ATXN10: variants seen among roughly 807,000 people sequenced by gnomAD.
The protein encoded by ATXN10 is ataxin 10.
A neutral mutation model predicts 52.9 loss-of-function variants in ATXN10; 28 were observed. That is an observed-to-expected ratio of 0.53 (90% CI 0.39 to 0.73). ATXN10 has a LOEUF of 0.73. Among genes scored for constraint, ATXN10 ranks in the 30% least tolerant of loss-of-function variants. ATXN10 has a pLI of 0.00. For synonymous variants in ATXN10, 226 were observed against 221.5 expected, an observed-to-expected ratio of 1.02 and a Z score of -0.18; for missense variants, 565 against 577.0, an observed-to-expected ratio of 0.98 and a Z score of 0.21.
chr22:45,764,843 G>A (rs552027666), intron 9 of ATXN10, among the ~76,000 whole-genome samples: 92 of 152,348 alleles, frequency 6.0e-4, no homozygotes, highest in Non-Finnish European at 1.2e-3. Flanking sequence ...TAGGATGTCA[G>A]TGCTGTCTGC....
At chr22:45,717,659 T>C (rs1924496572) in intron 5 of ATXN10, among the ~76,000 whole-genome samples, 1 of 152,202 alleles carries the variant, frequency 6.6e-6, no homozygotes, top group Non-Finnish European at 1.5e-5. Flanking sequence ...AGACTGAATA[T>C]AGTTTTATTG....
rs1928538452 is a variant in ATXN10, at chr22:45,818,473, A to G, written c.1237+11451A>G. Among the ~76,000 whole-genome samples, 2 of 152,028 alleles carry G rather than the reference A, an allele frequency of 1.3e-5. No homozygotes were observed. The highest frequency in any genetic ancestry group is 4.2e-4 in the South Asian group (2 of 4,806). On this transcript the variant is annotated intron_variant, in intron 10 of 11. Coordinates refer to ENST00000252934, the MANE Select transcript of ATXN10 (RefSeq NM_013236.4). The surrounding 1 kb of genome is among the most constrained non-coding windows in gnomAD (Gnocchi z 4.6). Reference sequence around the variant, plus strand: ...ACCTGTGTTAAAAGCAAGACTCTGCATGCTTATTCTCACATCAGTCAGAAG... The same window carrying G: ...ACCTGTGTTAAAAGCAAGACTCTGCGTGCTTATTCTCACATCAGTCAGAAG...
chr22:45,756,256 C>A (rs1305451576), intron 9 of ATXN10, among the ~76,000 whole-genome samples: 1 of 152,110 alleles, frequency 6.6e-6, no homozygotes, highest in Non-Finnish European at 1.5e-5. Flanking sequence ...GGGATCCTCC[C>A]ACCTCAATCT....
chr22:45,800,032 A>C (rs1927879123), intron 9 of ATXN10, among the ~76,000 whole-genome samples: 1 of 152,224 alleles, frequency 6.6e-6, no homozygotes, highest in African/African-American at 2.4e-5. Context: ...CTGGGAATAC[A>C]AAACTTGTAG....
intron 7 of ATXN10, among the ~76,000 whole-genome samples, chr22:45,731,139 T>G (rs1925074144): frequency 6.6e-6 from 1 of 152,232 alleles, no homozygotes; most frequent in African/African-American, 2.4e-5. Flanking sequence ...GTTAGAATTG[T>G]TCTTTCTCTG....
chr22:45,798,543 C>G (rs538802918), intron 9 of ATXN10, among the ~76,000 whole-genome samples: 1 of 152,050 alleles, frequency 6.6e-6, no homozygotes, highest in Non-Finnish European at 1.5e-5. Flanking sequence ...AAAAAGGCAT[C>G]TATGAAAAAA....
intron 5 of ATXN10, among the ~76,000 whole-genome samples, chr22:45,716,433 T>A (rs1265777338): frequency 2.0e-5 from 3 of 151,814 alleles, no homozygotes; most frequent in Non-Finnish European, 4.4e-5. Context: ...CCTCCTGTGT[T>A]CAAGTGATTC....
intron 5 of ATXN10, among the ~76,000 whole-genome samples, chr22:45,706,991 G>A (rs1035772373): frequency 6.6e-6 from 1 of 151,992 alleles, no homozygotes; most frequent in South Asian, 2.1e-4. Context: ...TTTTCCTTCA[G>A]TTCTGTCAGT....
At chr22:45,743,439 A>G (rs540490937) in intron 9 of ATXN10, among the ~76,000 whole-genome samples, 81 of 152,260 alleles carry the variant, frequency 5.3e-4, no homozygotes, top group African/African-American at 1.7e-3. Context: ...TTGTTGCCTC[A>G]AGGGATGGAA....
rs576810989 is a variant in ATXN10 at position 45,701,343 on chromosome 22, C to T, written c.488+965C>T. 3.0e-4 allele frequency among the ~76,000 whole-genome samples: 45 copies of T among 152,258 alleles called. No individual in the cohort carries two copies. The highest frequency in any genetic ancestry group is 2.4e-4 in the Non-Finnish European group (16 of 68,010). On this transcript the variant is annotated intron_variant, in intron 4 of 11. Coordinates refer to ENST00000252934, the MANE Select transcript of ATXN10 (RefSeq NM_013236.4). The surrounding 1 kb of genome is among the most constrained non-coding windows in gnomAD (Gnocchi z 4.2). ...CCATTGCTGCCATCTGGATCTAAAGCCTATCTATGCTCATTGTAAATACTG... is the reference window on the plus strand; with the variant it reads ...CCATTGCTGCCATCTGGATCTAAAGTCTATCTATGCTCATTGTAAATACTG...
intron 1 of ATXN10, among the ~76,000 whole-genome samples, chr22:45,686,599 C>T (rs1217936549): frequency 6.6e-6 from 1 of 152,096 alleles, no homozygotes; most frequent in East Asian, 1.9e-4. Flanking sequence ...GCGGGCAGAT[C>T]ACGAGGTCAG....
At chr22:45,724,999 G>C (rs191495027) in intron 6 of ATXN10, among the ~76,000 whole-genome samples, 166 of 152,098 alleles carry the variant, frequency 1.1e-3, no homozygotes, top group African/African-American at 3.6e-3. Context: ...TTTTTATTCT[G>C]TTGTATTGGT....
In ATXN10 at chr22:45,688,235, A is replaced by G. The variant is rs1332709137; in HGVS notation, c.117-1477A>G. ...CGAGACACTGAGTCAAAGTTTCATTATTTACACTCAGGGCTGACTGGGGGA... is the reference window on the plus strand; with the variant it reads ...CGAGACACTGAGTCAAAGTTTCATTGTTTACACTCAGGGCTGACTGGGGGA... On this transcript the variant is annotated intron_variant, in intron 1 of 11. Coordinates refer to ENST00000252934, the MANE Select transcript of ATXN10 (RefSeq NM_013236.4). This position sits in a 1 kb window ranked among gnomAD's most constrained non-coding sequence, Gnocchi z 4.0. Among the ~76,000 whole-genome samples, 1 of 152,174 alleles carries G rather than the reference A, an allele frequency of 6.6e-6. No individual in the cohort carries two copies. The highest frequency in any genetic ancestry group is 2.4e-5 in the African/African-American group (1 of 41,436).
At position 45,727,929 on chromosome 22, in the gene ATXN10, A is replaced by T. The variant is rs918593473; in HGVS notation, c.729-1496A>T. On this transcript the variant is annotated intron_variant, in intron 6 of 11. Transcript: ENST00000252934. The surrounding 1 kb of genome is among the most constrained non-coding windows in gnomAD (Gnocchi z 4.6). ...CTGCTTGCTTTCGGTTTCCATTTGCATGAAATATCTTTTTCCACCCCCTTT... is the reference window on the plus strand; with the variant it reads ...CTGCTTGCTTTCGGTTTCCATTTGCTTGAAATATCTTTTTCCACCCCCTTT... 6.6e-6 allele frequency among the ~76,000 whole-genome samples: 1 copy of T among 151,808 alleles called. No homozygotes were observed. Among genetic ancestry groups the T allele is most frequent in the African/African-American group, 2.4e-5 (1 of 41,322 alleles).
At chr22:45,796,125 A>G (rs1927728597) in intron 9 of ATXN10, among the ~76,000 whole-genome samples, 1 of 152,336 alleles carries the variant, frequency 6.6e-6, no homozygotes, top group Admixed American at 6.5e-5. Flanking sequence ...CTGGGAAACG[A>G]ATGCATTCCC....
In ATXN10 at chr22:45,727,682, A is replaced by G. The variant is rs74523585; in HGVS notation, c.729-1743A>G. 2.9e-3 allele frequency among the ~76,000 whole-genome samples: 435 copies of G among 152,234 alleles called. 4 individuals are homozygous for G. Among genetic ancestry groups the G allele is most frequent in the African/African-American group, 1.0e-2 (414 of 41,552 alleles). On this transcript the variant is annotated intron_variant, in intron 6 of 11. Coordinates refer to ENST00000252934, the MANE Select transcript of ATXN10 (RefSeq NM_013236.4). The surrounding 1 kb of genome is among the most constrained non-coding windows in gnomAD (Gnocchi z 4.6). ...AGCCAATATATTTTGATTTTTAAAA[A>G]AATAAATTGAGACTTGCTTTGTGGC...
chr22:45,764,468 TC>T (rs1236385046), intron 9 of ATXN10, among the ~76,000 whole-genome samples: 1 of 152,216 alleles, frequency 6.6e-6, no homozygotes, highest in African/African-American at 2.4e-5. Context: ...GTCTGGCTAA[TC>T]CGGGTTTGTT....
chr22:45,701,437 G>A lies in ATXN10; in HGVS notation c.488+1059G>A, dbSNP rs1380073837. Among the ~76,000 whole-genome samples, 3 of 152,128 alleles carry A rather than the reference G, an allele frequency of 2.0e-5. No homozygotes were observed. The highest frequency in any genetic ancestry group is 2.9e-5 in the Non-Finnish European group (2 of 68,032). On this transcript the variant is annotated intron_variant, in intron 4 of 11. Coordinates refer to ENST00000252934, the MANE Select transcript of ATXN10 (RefSeq NM_013236.4). This position sits in a 1 kb window ranked among gnomAD's most constrained non-coding sequence, Gnocchi z 4.2. ...CCTGGGCTCCTCTGTGAAGTATAGC[G>A]TTAAGATGGGATAAACTCTAATTCA...
Position 45,677,219 on chromosome 22 carries a change from T to G in ATXN10, c.116+5040T>G, listed in dbSNP as rs1243486390. 6.6e-6 allele frequency: 1 copy of G among 152,216 alleles called. No homozygotes were observed. The highest frequency in any genetic ancestry group is 1.5e-5 in the Non-Finnish European group (1 of 68,032). The allele number at this position is 152,216 out of a possible 1,614,324, so 9.4% of individuals were successfully genotyped here. ...TACTTAAACTGATACCTCATTGGTCTTCCACCTGATGAGCTTCTTGAATGA... is the reference window on the plus strand; with the variant it reads ...TACTTAAACTGATACCTCATTGGTCGTCCACCTGATGAGCTTCTTGAATGA... On this transcript the variant is annotated intron_variant, in intron 1 of 11. Coordinates refer to ENST00000252934, the MANE Select transcript of ATXN10 (RefSeq NM_013236.4). This position sits in a 1 kb window ranked among gnomAD's most constrained non-coding sequence, Gnocchi z 4.1.
Sources: allele counts gnomAD v4.1 joint callset (sites outside exome capture counted in the v4.1 genomes callset), GRCh38; gene constraint gnomAD v4.1.1; non-coding constraint Gnocchi (gnomAD v3.1); transcripts MANE v1.5; gene names NCBI Gene and HGNC (gene_info 2026-07-23, HGNC 2026-07-21).